KLHL6: variants seen among roughly 807,000 people sequenced by gnomAD.
The protein encoded by KLHL6 is kelch like family member 6, also known as kelch-like protein 6.
A neutral mutation model predicts 58.6 loss-of-function variants in KLHL6; 41 were observed. The ratio of observed to expected loss-of-function variants is 0.70; its 90% CI spans 0.55 to 0.91. The LOEUF is 0.91. Among genes scored for constraint, KLHL6 ranks in the 40% least tolerant of loss-of-function variants. The pLI is 0.00. For synonymous variants in KLHL6, 338 were observed against 322.7 expected (o/e 1.05, Z -0.51); for missense variants, 714 against 805.6 (o/e 0.89, Z 1.38).
chr3:183,500,520 G>C (rs561022289), intron 3 of KLHL6, among the ~76,000 whole-genome samples: 1 of 152,192 alleles, frequency 6.6e-6, no homozygotes, highest in African/African-American at 2.4e-5. Flanking sequence ...TGACCTTGGA[G>C]AAGTAACACG....
At chr3:183,509,813 G>C (rs2108675543) in intron 2 of KLHL6, among the ~76,000 whole-genome samples, 1 of 152,252 alleles carries the variant, frequency 6.6e-6, no homozygotes, top group East Asian at 1.9e-4. Context: ...CACAGAAACA[G>C]GTCTCATGGG....
At position 183,499,761 on chromosome 3, in the gene KLHL6, C is replaced by T; in HGVS notation, c.976G>A (p.Gly326Ser). Reference protein sequence around the residue: ...FQSEVFMIIGGCTKDERFVAE... With the variant: ...FQSEVFMIIGSCTKDERFVAE... ...ACAAACCGTTCATCCTTCGTGCAGC[C>T]GCCAATGATCATGAACACCTCAGAC... The change falls in exon 4 of 7, where the codon GGC becomes AGC. Residue 326 changes from glycine to serine, a missense_variant. Transcript: ENST00000341319. The surrounding 1 kb of genome is among the most constrained non-coding windows in gnomAD (Gnocchi z 4.6). 4 of 1,609,220 alleles carry T rather than the reference C, an allele frequency of 2.5e-6. No individual in the cohort carries two copies. Among genetic ancestry groups the T allele is most frequent in the South Asian group, 2.2e-5 (2 of 89,586 alleles).
Position 183,491,989 on chromosome 3 carries a change from C to A in KLHL6, c.1804G>T (p.Val602Phe). The change falls in exon 7 of 7, where the codon GTC (valine) becomes TTC (phenylalanine). Residue 602 changes from valine to phenylalanine, a missense_variant. Coordinates refer to ENST00000341319, the MANE Select transcript of KLHL6 (RefSeq NM_130446.4). ...TGGGTGTACGACTTCCTGATGGTGA[C>A]GCTGCCGTGGTGCGACACGCCCCGG... Reference protein sequence around the residue: ...LPRGVSHHGSVTIRKSYTHIR... With the variant: ...LPRGVSHHGSFTIRKSYTHIR... 1.9e-6 allele frequency: 3 copies of A among 1,581,366 alleles called. No homozygotes were observed. Among genetic ancestry groups the A allele is most frequent in the East Asian group, 4.6e-5 (2 of 43,858 alleles).
chr3:183,533,560 C>T (rs942351015), intron 1 of KLHL6, among the ~76,000 whole-genome samples: 1 of 151,974 alleles, frequency 6.6e-6, no homozygotes, highest in Non-Finnish European at 1.5e-5. Flanking sequence ...CATGAGCCTC[C>T]GTGCCTGGCC....
At chr3:183,544,458 C>T (rs1712652597) in intron 1 of KLHL6, 1 of 152,004 alleles carries the variant, frequency 6.6e-6, no homozygotes, top group Admixed American at 6.6e-5. Flanking sequence ...AAATTAAAGT[C>T]GAAGGAGAAT....
rs1718057334 is a variant in KLHL6 at position 183,507,986 on chromosome 3, T to C, written c.909+73A>G. 3.0e-5 allele frequency: 40 copies of C among 1,351,068 alleles called. No individual in the cohort carries two copies. The South Asian group carries it at 5.3e-4, about 18-fold the overall frequency. The allele number at this position is 1,351,068 out of a possible 1,614,324, so 83.7% of individuals were successfully genotyped here. A position where few individuals can be genotyped will look rare whatever the true frequency, so the allele number is the denominator to read the frequency against. On this transcript the variant is annotated intron_variant, in intron 3 of 6. Coordinates refer to ENST00000341319, the MANE Select transcript of KLHL6 (RefSeq NM_130446.4). ...CTAAGGATTTTTGAATCCGCTTTGC[T>C]TGCATCTCTGTGAGCCCCTAGCTAA...
At chr3:183,552,078 G>A (rs1443051282) in intron 1 of KLHL6, 2 of 151,210 alleles carry the variant, frequency 1.3e-5, no homozygotes, top group Non-Finnish European at 2.9e-5. Context: ...GCGGTTGGAT[G>A]ACACCCTCTT....
chr3:183,554,985 A>G (rs1713056274), intron 1 of KLHL6, among the ~76,000 whole-genome samples: 1 of 152,054 alleles, frequency 6.6e-6, no homozygotes, highest in South Asian at 2.1e-4. Flanking sequence ...ACCAACATGG[A>G]GAAACCCCAT....
intron 1 of KLHL6, among the ~76,000 whole-genome samples, chr3:183,539,242 C>T (rs986685796): frequency 1.3e-4 from 20 of 152,146 alleles, no homozygotes; most frequent in African/African-American, 4.8e-4. Context: ...ACTATGGATC[C>T]TTCCTTTCAT....
At chr3:183,506,264 A>T (rs1717998353) in intron 3 of KLHL6, among the ~76,000 whole-genome samples, 1 of 152,216 alleles carries the variant, frequency 6.6e-6, no homozygotes, top group South Asian at 2.1e-4. Flanking sequence ...CTTCTTCAGG[A>T]ATTGTTAAGG....
rs1718086290 is a variant in KLHL6, at chr3:183,508,503, C to T, written c.465G>A (p.Leu155=). The T allele has an allele frequency of 6.2e-7, 1 of 1,612,364 alleles. No individual in the cohort carries two copies. The highest frequency in any genetic ancestry group is 8.5e-7 in the Non-Finnish European group (1 of 1,178,992). The change falls in exon 3 of 7, where the codon CTG becomes CTA. Residue 155 remains leucine, a synonymous_variant. Transcript: ENST00000341319. ...AGCTGGCACAGGCATCCACCATCCG[C>T]AGGAACTGATGAAATAGAAAGGGTG... is the stretch of plus-strand genomic sequence containing the variant. The part of the protein sequence containing the change: ...VLEAANLFQF[L]RMVDACASFL...
chr3:183,534,120 T>TTAAAGTACTTTAAAAG (rs1269847501), intron 1 of KLHL6, among the ~76,000 whole-genome samples: 12 of 124,500 alleles, frequency 9.6e-5, no homozygotes, highest in Admixed American at 6.1e-4. Flanking sequence ...TACTTTACTT[T>TTAAAGTACTTTAAAAG]TAAAGTACTT....
chr3:183,528,093 C>A, intron 1 of KLHL6, 83 bp from the exon 2 acceptor site: 2 of 1,494,060 alleles, frequency 1.3e-6, no homozygotes, highest in South Asian at 1.2e-5. Flanking sequence ...ACTCATCAGG[C>A]CCTCACAGAA....
At chr3:183,533,165 C>G (rs952052915) in intron 1 of KLHL6, among the ~76,000 whole-genome samples, 2 of 152,170 alleles carry the variant, frequency 1.3e-5, no homozygotes, top group African/African-American at 4.8e-5. Context: ...GGACTTCCAT[C>G]TCAACACGGA....
chr3:183,541,371 A>AC (rs966751675), intron 1 of KLHL6, among the ~76,000 whole-genome samples: 2 of 152,168 alleles, frequency 1.3e-5, no homozygotes, highest in African/African-American at 4.8e-5. Flanking sequence ...ATGAATCTAG[A>AC]CGTGAAGGAG....
rs1183080233 is a variant in KLHL6 at position 183,492,068 on chromosome 3, C to G, written c.1725G>C (p.Thr575=). The change falls in exon 7 of 7, where the codon ACG becomes ACC. Residue 575 remains threonine (T), a synonymous_variant. Transcript: ENST00000341319. This position sits in a 1 kb window ranked among gnomAD's most constrained non-coding sequence, Gnocchi z 5.9. The part of the protein sequence containing the change: ...GRDEKNEVIA[T]VLCWDPEAQK... The stretch of plus-strand genomic sequence containing the variant: ...GGGCCTCGGGGTCCCAGCACAGCAC[C>G]GTGGCGATAACCTCGTTCTTCTCGT... 6.2e-7 allele frequency: 1 copy of G among 1,614,020 alleles called. No homozygotes were observed. The highest frequency in any genetic ancestry group is 8.5e-7 in the Non-Finnish European group (1 of 1,179,998).
chr3:183,508,654 C>T (rs1304636350), intron 2 of KLHL6, 146 bp from the exon 3 acceptor site: 5 of 652,168 alleles, frequency 7.7e-6, no homozygotes, highest in Non-Finnish European at 1.0e-5. Context: ...ATAATTCATT[C>T]ATACAGTAGA....
rs930774786 is a variant in KLHL6, at chr3:183,491,513, T to C, written c.*414A>G. 2 of 165,728 alleles carry C rather than the reference T, an allele frequency of 1.2e-5. No homozygotes were observed. Among genetic ancestry groups the C allele is most frequent in the African/African-American group, 4.8e-5 (2 of 42,022 alleles). The allele number at this position is 165,728 out of a possible 1,614,324, so 10.3% of individuals were successfully genotyped here. A position where few individuals can be genotyped will look rare whatever the true frequency, so the allele number is the denominator to read the frequency against. Reference sequence around the variant, plus strand: ...CTTCGGAGATGAAAGACCTGGATTTTAGACTCCTGGGGTAGCTACTTGCTA... The same window carrying C: ...CTTCGGAGATGAAAGACCTGGATTTCAGACTCCTGGGGTAGCTACTTGCTA... On this transcript the variant is annotated 3_prime_UTR_variant, in exon 7 of 7. Coordinates refer to ENST00000341319, the MANE Select transcript of KLHL6 (RefSeq NM_130446.4).
intron 3 of KLHL6, among the ~76,000 whole-genome samples, chr3:183,505,899 A>G (rs1311354671): frequency 6.6e-6 from 1 of 152,244 alleles, no homozygotes. Context: ...TAGTTTAAAA[A>G]CTTTCCACAA....
Sources: allele counts gnomAD v4.1 joint callset (sites outside exome capture counted in the v4.1 genomes callset), GRCh38; gene constraint gnomAD v4.1.1; non-coding constraint Gnocchi (gnomAD v3.1); transcripts MANE v1.5; gene names NCBI Gene and HGNC (gene_info 2026-07-23, HGNC 2026-07-21).